Variants in TMBIM4 observed in about 807,000 individuals in gnomAD.
The protein encoded by TMBIM4 is protein lifeguard 4.
Under a neutral mutation model 27.7 loss-of-function variants are expected in TMBIM4, and 28 were observed. The observed-to-expected ratio is 1.01, with a 90% CI of 0.75 to 1.38. The LOEUF (loss-of-function observed/expected upper bound fraction) is 1.38. TMBIM4 is among the 40% of genes most tolerant of loss of function. TMBIM4 has a pLI of 0.00. For synonymous variants in TMBIM4, 115 were observed against 113.1 expected, an observed-to-expected ratio of 1.02 and a Z score of -0.11; for missense variants, 265 against 277.5, an observed-to-expected ratio of 0.95 and a Z score of 0.32.
In TMBIM4 at chr12:66,152,304, C is replaced by G. The variant is rs2051858247; in HGVS notation, c.279G>C (p.Lys93Asn). The G allele has an allele frequency of 6.2e-7, 1 of 1,609,026 alleles. No homozygotes were observed. ...LIFALILNRH[K>N]YPLNLYLLFG... ...AAAGTAGGTACAGGTTAAGGGGATA[C>G]TTATGTCTGTTTAAAATCAACGCAA... is the stretch of plus-strand genomic sequence containing the variant. Residue 93 changes from lysine (K) to asparagine (N), a missense_variant, in exon 3 of 7, where the codon AAG becomes AAC. Coordinates refer to ENST00000358230, the MANE Select transcript of TMBIM4 (RefSeq NM_016056.4).
At chr12:66,151,216 C>T (rs1490870337) in intron 3 of TMBIM4, among the ~76,000 whole-genome samples, 2 of 152,136 alleles carry the variant, frequency 1.3e-5, no homozygotes, top group African/African-American at 4.8e-5. Context: ...TTTTCCCACT[C>T]GTATTTGACT....
intron 1 of TMBIM4, among the ~76,000 whole-genome samples, chr12:66,168,071 A>G (rs572213234): frequency 2.0e-5 from 3 of 152,124 alleles, no homozygotes; most frequent in South Asian, 4.2e-4. Flanking sequence ...GTACAAAAAA[A>G]TTAGCCAGGC....
chr12:66,160,239 A>G (rs1555199952), intron 1 of TMBIM4: 1 of 703,152 alleles, frequency 1.4e-6, no homozygotes, highest in Non-Finnish European at 2.6e-6. Flanking sequence ...GATGATATTC[A>G]GTGTGGCTGA....
At chr12:66,159,352 A>C (rs1281874691) in intron 1 of TMBIM4, among the ~76,000 whole-genome samples, 1 of 152,180 alleles carries the variant, frequency 6.6e-6, no homozygotes, top group African/African-American at 2.4e-5. Context: ...TCATGTGGCA[A>C]GGAACTGAGG....
chr12:66,169,615 CCG>C (rs1044540859), intron 1 of TMBIM4: 3 of 463,992 alleles, frequency 6.5e-6, no homozygotes, highest in Non-Finnish European at 7.6e-6. Flanking sequence ...CACAGGACAG[CCG>C]CAAGCCTTCT....
chr12:66,168,545 A>G (rs1268482701), intron 1 of TMBIM4, among the ~76,000 whole-genome samples: 1 of 152,222 alleles, frequency 6.6e-6, no homozygotes, highest in South Asian at 2.1e-4. Flanking sequence ...ATAACCTAGT[A>G]AACAGGCTGT....
At chr12:66,138,920 A>G in intron 5 of TMBIM4, 151 bp from the exon 6 acceptor site, 4 of 1,125,622 alleles carry the variant, frequency 3.6e-6, no homozygotes, top group Non-Finnish European at 4.6e-6. Flanking sequence ...CAATGAATAT[A>G]ATGCCCATCT....
intron 1 of TMBIM4, among the ~76,000 whole-genome samples, chr12:66,164,334 G>A (rs1189154858): frequency 6.6e-6 from 1 of 152,142 alleles, no homozygotes; most frequent in Non-Finnish European, 1.5e-5. Flanking sequence ...CTCAGGCAGA[G>A]AAAAGATAGT....
chr12:66,167,004 A>T (rs1428138220), intron 1 of TMBIM4, among the ~76,000 whole-genome samples: 3 of 152,236 alleles, frequency 2.0e-5, no homozygotes, highest in African/African-American at 7.2e-5. Context: ...GAAAACCTTA[A>T]ACGCATATTA....
In TMBIM4 at chr12:66,169,996, C is replaced by A. The variant is rs1592562416; in HGVS notation, c.-45G>T. ...CCGGTCCCGGTCCACTAACCGCAAC[C>A]GCCTCCTCCCCACTTCCGCGAGGAA... On this transcript the variant is annotated 5_prime_UTR_variant, in exon 1 of 7. Coordinates refer to ENST00000358230, the MANE Select transcript of TMBIM4 (RefSeq NM_016056.4). 5 of 1,358,864 alleles carry A rather than the reference C, an allele frequency of 3.7e-6. No individual in the cohort carries two copies. In the South Asian group the frequency reaches 7.1e-5, roughly 19 times the overall value. 84.2% of individuals were successfully genotyped at this position (1,358,864 alleles called of 1,614,324 possible). A position where few individuals can be genotyped will look rare whatever the true frequency, so the allele number is the denominator to read the frequency against.
At chr12:66,143,981 G>A (rs2051710987) in intron 5 of TMBIM4, among the ~76,000 whole-genome samples, 1 of 152,142 alleles carries the variant, frequency 6.6e-6, no homozygotes, top group Non-Finnish European at 1.5e-5. Context: ...TTGCTAGAGA[G>A]TCATTACATG....
intron 1 of TMBIM4, chr12:66,169,616 C>T: frequency 2.2e-6 from 1 of 463,388 alleles, no homozygotes; most frequent in Admixed American, 4.3e-5. Flanking sequence ...ACAGGACAGC[C>T]GCAAGCCTTC....
At chr12:66,151,357 C>T (rs547093987) in intron 3 of TMBIM4, among the ~76,000 whole-genome samples, 5 of 152,208 alleles carry the variant, frequency 3.3e-5, no homozygotes, top group Admixed American at 2.6e-4. Flanking sequence ...CCCACCTCAG[C>T]CTCCCAAGTA....
chr12:66,154,991 A>T (rs1026522982), intron 1 of TMBIM4, among the ~76,000 whole-genome samples: 2 of 152,110 alleles, frequency 1.3e-5, no homozygotes, highest in African/African-American at 4.8e-5. Flanking sequence ...TGGCTTAGAG[A>T]TAAACAGTTC....
intron 4 of TMBIM4, among the ~76,000 whole-genome samples, chr12:66,146,637 T>A (rs1310803212): frequency 6.6e-6 from 1 of 152,220 alleles, no homozygotes; most frequent in African/African-American, 2.4e-5. Context: ...TTATGGCTAT[T>A]GTAATAAAAC....
intron 1 of TMBIM4, among the ~76,000 whole-genome samples, chr12:66,166,000 T>C (rs1216555878): frequency 6.6e-6 from 1 of 152,224 alleles, no homozygotes; most frequent in Non-Finnish European, 1.5e-5. Context: ...CCAAATCCAA[T>C]GTCCTCCTAT....
chr12:66,153,384 T>G lies in TMBIM4; in HGVS notation c.162A>C (p.Thr54=). Residue 54 remains threonine, a synonymous_variant, in exon 2 of 7, where the codon ACA becomes ACC. Transcript: ENST00000358230. Reference sequence around the variant, plus strand: ...GTACAGACTCAAAGTATAAAAAAACTGTTGAAGTCACTGTAGTTAAGAGAA... The same window carrying G: ...GTACAGACTCAAAGTATAAAAAAACGGTTGAAGTCACTGTAGTTAAGAGAA... The part of the protein sequence containing the change: ...LQVLLTTVTS[T]VFLYFESVRT... The G allele has an allele frequency of 6.2e-7, 1 of 1,602,474 alleles. No individual in the cohort carries two copies. The highest frequency in any genetic ancestry group is 8.5e-7 in the Non-Finnish European group (1 of 1,176,028).
rs1009549333 is a variant in TMBIM4 at position 66,137,860 on chromosome 12, C to A, written c.*100G>T. On this transcript the variant is annotated 3_prime_UTR_variant, in exon 7 of 7. Coordinates refer to ENST00000358230, the MANE Select transcript of TMBIM4 (RefSeq NM_016056.4). ...TTAATCATTGTTTCAAACTTTATTA[C>A]TTAATGAAACAGTTTCTATATACTG... 3 of 877,840 alleles carry A rather than the reference C, an allele frequency of 3.4e-6. No homozygotes were observed. The highest frequency in any genetic ancestry group is 5.3e-6 in the Non-Finnish European group (3 of 571,002). The allele number at this position is 877,840 out of a possible 1,614,324, so 54.4% of individuals were successfully genotyped here. A position where few individuals can be genotyped will look rare whatever the true frequency, so the allele number is the denominator to read the frequency against.
intron 3 of TMBIM4, among the ~76,000 whole-genome samples, chr12:66,149,434 G>C (rs1348715466): frequency 1.6e-5 from 2 of 121,746 alleles, no homozygotes; most frequent in Non-Finnish European, 3.3e-5. Context: ...GACAGAGAGA[G>C]ACCCTGTCTC....
Sources: gnomAD v4.1 joint callset for allele counts (sites outside exome capture counted in the v4.1 genomes callset) on GRCh38, gnomAD v4.1.1 for gene constraint, MANE v1.5 for transcripts, NCBI Gene and HGNC (gene_info 2026-07-23, HGNC 2026-07-21) for gene names.